The following GGT1 variants were observed in gnomAD, a reference collection of about 807,000 sequenced individuals.
The protein encoded by GGT1 is glutathione hydrolase 1 proenzyme.
In GGT1, 21 loss-of-function variants were observed where a neutral mutation model predicts 56.0. That is an observed-to-expected ratio of 0.38 (90% CI 0.27 to 0.54). GGT1 has a LOEUF of 0.54. Ranked by LOEUF, GGT1 falls within the 20% of genes least tolerant of loss-of-function variation. GGT1 has a pLI of 0.82. For missense variants in GGT1, 466 were observed against 787.0 expected, an observed-to-expected ratio of 0.59 and a Z score of 4.88; for synonymous variants, 238 against 342.6, an observed-to-expected ratio of 0.69 and a Z score of 3.37.
Position 24,628,028 on chromosome 22 carries a change from G to A in GGT1, c.1336+49G>A. 1.2e-6 allele frequency: 2 copies of A among 1,610,970 alleles called. No individual in the cohort carries two copies. Among genetic ancestry groups the A allele is most frequent in the East Asian group, 4.5e-5 (2 of 44,820 alleles). ...GGGGGACTGGGGTGGAGAGGGGCGG[G>A]TGTCCTGGGCAGGCAGCTGACGGGC... On this transcript the variant is annotated intron_variant, in intron 13 of 15. Coordinates refer to ENST00000400382, the MANE Select transcript of GGT1 (RefSeq NM_001288833.2). This position sits in a 1 kb window ranked among gnomAD's most constrained non-coding sequence, Gnocchi z 5.7.
upstream of GGT1, among the ~76,000 whole-genome samples, chr22:24,593,954 G>A (rs1191694016): frequency 1.3e-5 from 2 of 152,204 alleles, no homozygotes; most frequent in Non-Finnish European, 2.9e-5. Context: ...TAAACCGGAC[G>A]AAGAGTCAGG....
upstream of GGT1, among the ~76,000 whole-genome samples, chr22:24,599,631 G>A (rs1302978542): frequency 6.6e-6 from 1 of 152,162 alleles, no homozygotes; most frequent in Non-Finnish European, 1.5e-5. Context: ...TGAGGATGCA[G>A]GGGTAGCTGC....
Position 24,605,518 on chromosome 22 carries a change from A to G in GGT1, c.-429+1991A>G, listed in dbSNP as rs1313299642. Among the ~76,000 whole-genome samples the G allele has an allele frequency of 2.1e-4, 15 of 70,150 alleles. 2 individuals are homozygous for G. The South Asian group carries it at 4.4e-3, about 20-fold the overall frequency. 46.0% of individuals were successfully genotyped at this position (70,150 alleles called of 152,430 possible). On this transcript the variant is annotated intron_variant, in intron 1 of 15. Coordinates refer to ENST00000400382, the MANE Select transcript of GGT1 (RefSeq NM_001288833.2). ...TATATAATATTATATAATGTGTATT[A>G]TATATTATATAATATTATATAATGT...
At chr22:24,612,650 C>T (rs1248417852) in intron 5 of GGT1, among the ~76,000 whole-genome samples, 1 of 152,098 alleles carries the variant, frequency 6.6e-6, no homozygotes, top group African/African-American at 2.4e-5. Context: ...CCTCAGCCTC[C>T]TGAGTAGCTG....
At chr22:24,596,607 A>G (rs1392139925) in intron 1 of GGT1, among the ~76,000 whole-genome samples, 2 of 152,042 alleles carry the variant, frequency 1.3e-5, no homozygotes, top group African/African-American at 4.8e-5. Context: ...CCTCCTTGTA[A>G]TAACGCTAGT....
At chr22:24,607,029 A>C (rs1485193686) in intron 1 of GGT1, among the ~76,000 whole-genome samples, 2 of 151,038 alleles carry the variant, frequency 1.3e-5, no homozygotes, top group African/African-American at 4.9e-5. Flanking sequence ...CCTGGCTCAG[A>C]CTTCTTGGTG....
chr22:24,597,684 A>ACACACACACACACACACACACAC (rs60798811), intron 1 of GGT1, among the ~76,000 whole-genome samples: 26 of 148,738 alleles, frequency 1.7e-4, no homozygotes, highest in African/African-American at 6.4e-4. Context: ...CCATCTCAAA[A>ACACACACACACACACACACACAC]ACACACACAC....
intron 10 of GGT1, 44 bp from the exon 11 acceptor site, chr22:24,623,736 A>T: frequency 6.3e-7 from 1 of 1,589,638 alleles, no homozygotes; most frequent in Non-Finnish European, 8.6e-7. Flanking sequence ...AGCCCCTCAG[A>T]GCCTCTGGGG....
intron 7 of GGT1, among the ~76,000 whole-genome samples, chr22:24,616,670 G>T (rs910060079): frequency 1.3e-4 from 20 of 148,324 alleles, no homozygotes; most frequent in African/African-American, 4.5e-4. Flanking sequence ...TCAGCCTCCC[G>T]AATAGCTGGG....
chr22:24,593,629 T>C (rs749822605), upstream of GGT1, among the ~76,000 whole-genome samples: 11 of 151,576 alleles, frequency 7.3e-5, no homozygotes, highest in Non-Finnish European at 1.3e-4. Flanking sequence ...TTATTGAAAA[T>C]ACAAAAAATT....
intron 2 of GGT1, among the ~76,000 whole-genome samples, 174 bp downstream of exon 2, chr22:24,608,197 G>A (rs1393060476): frequency 1.3e-5 from 2 of 152,182 alleles, no homozygotes; most frequent in Non-Finnish European, 2.9e-5. Flanking sequence ...TGGAGGGATG[G>A]GAAATGGAAG....
chr22:24,625,811 G>C (rs1013191828), intron 11 of GGT1, among the ~76,000 whole-genome samples: 1 of 150,764 alleles, frequency 6.6e-6, no homozygotes, highest in African/African-American at 2.5e-5. Context: ...TTACAGGCAT[G>C]AGCCACCGTG....
chr22:24,586,006 G>T, the GGT1 span: 1 of 1,610,990 alleles, frequency 6.2e-7, no homozygotes. Context: ...GGCCCTCGTA[G>T]ATGGTGGGGA....
In GGT1 at chr22:24,628,426, G is replaced by T. The variant is rs557687660; in HGVS notation, c.1563+38G>T. The T allele has an allele frequency of 6.2e-7, 1 of 1,608,056 alleles. No homozygotes were observed. Among genetic ancestry groups the T allele is most frequent in the East Asian group, 2.2e-5 (1 of 44,882 alleles). The stretch of plus-strand genomic sequence containing the variant: ...TTGGAGAAACTGAGTCAAGGTGTGG[G>T]GCCCCAGGGCATCCTGGGCTGGAGG... On this transcript the variant is annotated intron_variant, in intron 15 of 15. Coordinates refer to ENST00000400382, the MANE Select transcript of GGT1 (RefSeq NM_001288833.2). This position sits in a 1 kb window ranked among gnomAD's most constrained non-coding sequence, Gnocchi z 5.7.
chr22:24,597,582 G>A (rs570149617), intron 1 of GGT1, among the ~76,000 whole-genome samples: 1 of 152,286 alleles, frequency 6.6e-6, no homozygotes, highest in African/African-American at 2.4e-5. Flanking sequence ...TCAGGAGGCT[G>A]AGGCAGGAGA....
chr22:24,616,554 CT>C (rs113675142), intron 7 of GGT1, among the ~76,000 whole-genome samples: 143 of 131,928 alleles, frequency 1.1e-3, no homozygotes, highest in Middle Eastern at 3.8e-3. Context: ...TTTTTTTTTT[CT>C]TTTTTTTTTT....
intron 7 of GGT1, among the ~76,000 whole-genome samples, chr22:24,618,643 A>G (rs1271499419): frequency 6.6e-6 from 1 of 152,198 alleles, no homozygotes; most frequent in Non-Finnish European, 1.5e-5. Flanking sequence ...CTTCTGTCTA[A>G]CTACAAGGTG....
rs544359958 is a variant in GGT1, at chr22:24,613,280, C to A, written c.165-1496C>A. On this transcript the variant is annotated intron_variant, in intron 5 of 15. Transcript: ENST00000400382. Reference sequence around the variant, plus strand: ...TTCTAGAGATGGTCTCACTCTATTGCCCAGGCTGGTCTTGAACTCCTGGCC... The same window carrying A: ...TTCTAGAGATGGTCTCACTCTATTGACCAGGCTGGTCTTGAACTCCTGGCC... Among the ~76,000 whole-genome samples, 106 of 152,126 alleles carry A rather than the reference C, an allele frequency of 7.0e-4. No individual in the cohort carries two copies. In the South Asian group the frequency reaches 0.021, roughly 31 times the overall value.
Position 24,605,526 on chromosome 22 carries a change from TATA to T in GGT1, c.-429+2003_-429+2005del, listed in dbSNP as rs1466454750. On this transcript the variant is annotated intron_variant, in intron 1 of 15. Coordinates refer to ENST00000400382, the MANE Select transcript of GGT1 (RefSeq NM_001288833.2). Reference sequence around the variant, plus strand: ...ATTATATAATGTGTATTATATATTATATAATATTATATAATGTGTATTATATAT... The same window carrying T: ...ATTATATAATGTGTATTATATATTATATATTATATAATGTGTATTATATAT... Among the ~76,000 whole-genome samples the T allele has an allele frequency of 1.4e-4, 9 of 66,086 alleles. 2 individuals are homozygous for T. Among genetic ancestry groups the T allele is most frequent in the South Asian group, 4.1e-4 (1 of 2,458 alleles). 43.4% of individuals were successfully genotyped at this position (66,086 alleles called of 152,430 possible).
Sources: gnomAD v4.1 joint callset for allele counts (sites outside exome capture counted in the v4.1 genomes callset) on GRCh38, gnomAD v4.1.1 for gene constraint, Gnocchi (gnomAD v3.1) non-coding constraint, MANE v1.5 for transcripts, NCBI Gene and HGNC (gene_info 2026-07-23, HGNC 2026-07-21) for gene names.